Variants in TEX15 observed in about 807,000 individuals in gnomAD.
TEX15 encodes testis-expressed protein 15.
In TEX15, 171 loss-of-function variants were observed where a neutral mutation model predicts 237.3. The observed-to-expected ratio is 0.72, with a 90% CI of 0.64 to 0.82. The LOEUF (loss-of-function observed/expected upper bound fraction) is 0.82, where lower values mean the gene tolerates loss of function less well. TEX15 is among the 40% of genes least tolerant of loss of function. TEX15 has a pLI of 0.00. For missense variants in TEX15, 3,750 were observed against 3,646.5 expected (o/e 1.03, Z -0.73); for synonymous variants, 1,338 against 1,269.8 (o/e 1.05, Z -1.14).
chr8:30,899,760 T>C (rs1291065392), intron 1 of TEX15, among the ~76,000 whole-genome samples: 1 of 152,166 alleles, frequency 6.6e-6, no homozygotes, highest in Non-Finnish European at 1.5e-5. Flanking sequence ...TTGTATTTCT[T>C]TCTAGAGGCA....
chr8:30,890,830 G>C (rs938888754), intron 2 of TEX15, among the ~76,000 whole-genome samples: 2 of 152,112 alleles, frequency 1.3e-5, no homozygotes, highest in South Asian at 4.1e-4. Flanking sequence ...TGTGGTTTTA[G>C]TTTGCATTTA....
At chr8:30,909,703 G>T (rs926991567) in intron 1 of TEX15, among the ~76,000 whole-genome samples, 1 of 152,038 alleles carries the variant, frequency 6.6e-6, no homozygotes, top group African/African-American at 2.4e-5. Context: ...ACTTTATAAA[G>T]CTTGGAAGTA....
intron 3 of TEX15, among the ~76,000 whole-genome samples, chr8:30,878,739 G>A (rs746711558): frequency 2.0e-5 from 3 of 152,100 alleles, no homozygotes; most frequent in Non-Finnish European, 4.4e-5. Flanking sequence ...TGCTCAGGAT[G>A]GCCTTGAACT....
At position 30,846,780 on chromosome 8, in the gene TEX15, A is replaced by G. The variant is rs1325889191; in HGVS notation, c.3387T>C (p.Tyr1129=). ...AATAAAAATAGTTACTTTCCTTAGA[A>G]TAATGCTGATCACTATTCTCCCTTC... is the stretch of plus-strand genomic sequence containing the variant. The part of the protein sequence containing the change: ...TTGRENSDQH[Y]SKESNYFYSS... The change falls in exon 8 of 11, where the codon TAT becomes TAC. Residue 1129 remains tyrosine, a synonymous_variant. Transcript: ENST00000643185. 3 of 1,613,894 alleles carry G rather than the reference A, an allele frequency of 1.9e-6. No individual in the cohort carries two copies. Among genetic ancestry groups the G allele is most frequent in the Non-Finnish European group, 2.5e-6 (3 of 1,179,792 alleles).
chr8:30,859,180 G>A (rs147974691), intron 6 of TEX15, among the ~76,000 whole-genome samples: 3,188 of 151,664 alleles, frequency 0.021, 50 homozygotes, highest in Middle Eastern at 0.035. Flanking sequence ...TTTACATGTG[G>A]GTGCATGGAT....
intron 4 of TEX15, among the ~76,000 whole-genome samples, chr8:30,868,360 G>A (rs968402916): frequency 7.2e-5 from 11 of 151,934 alleles, no homozygotes; most frequent in Admixed American, 2.0e-4. Flanking sequence ...GCCACATCAG[G>A]TGGTACAATA....
rs1807318525 is a variant in TEX15 at position 30,837,032 on chromosome 8, G to C, written c.9252C>G (p.Ala3084=). 3 of 1,614,110 alleles carry C rather than the reference G, an allele frequency of 1.9e-6. No individual in the cohort carries two copies. The East Asian group carries it at 6.7e-5, about 36-fold the overall frequency. ...ACAGAAGATTAGAATGTGTGCCCTGGGCAGTACTTGCAACTGTGGTCAACA... is the reference window on the plus strand; with the variant it reads ...ACAGAAGATTAGAATGTGTGCCCTGCGCAGTACTTGCAACTGTGGTCAACA... The part of the protein sequence containing the change: ...SGLLTTVAST[A]QGTHSNLLYS... Residue 3084 remains alanine, a synonymous_variant, in exon 10 of 11, where the codon GCC becomes GCG. Coordinates refer to ENST00000643185, the MANE Select transcript of TEX15 (RefSeq NM_001350162.2).
intron 1 of TEX15, among the ~76,000 whole-genome samples, chr8:30,908,700 G>C: frequency 6.6e-6 from 1 of 152,180 alleles, no homozygotes; most frequent in East Asian, 1.9e-4. Context: ...AGCTACTTCA[G>C]TTCATAAAAC....
chr8:30,893,907 T>C (rs939953467), intron 2 of TEX15, among the ~76,000 whole-genome samples: 2 of 108,590 alleles, frequency 1.8e-5, no homozygotes, highest in African/African-American at 1.0e-4. Flanking sequence ...TTCCTTAGTA[T>C]AGAACTTCTT....
intron 3 of TEX15, 87 bp downstream of exon 3, chr8:30,887,080 G>A: frequency 1.7e-6 from 2 of 1,204,558 alleles, no homozygotes; most frequent in South Asian, 1.7e-5. Flanking sequence ...ATTTTATATA[G>A]AGTCAAAATA....
chr8:30,890,457 T>C (rs1300147741), intron 2 of TEX15: 1 of 152,150 alleles, frequency 6.6e-6, no homozygotes, highest in Non-Finnish European at 1.5e-5. Context: ...ATGCAAATAT[T>C]TGCCATTGTC....
Position 30,848,295 on chromosome 8 carries a change from G to A in TEX15, c.1872C>T (p.Phe624=), listed in dbSNP as rs757064171. ...YLQNTGKMKN[F]ADLEDSSKHE... is the part of the protein sequence containing the mutation. ...GTTTGGAACTGTCTTCCAGGTCAGC[G>A]AAGTTTTTCATCTTTCCAGTATTTT... The change falls in exon 8 of 11, where the codon TTC becomes TTT. Residue 624 remains phenylalanine (F), a synonymous_variant. Coordinates refer to ENST00000643185, the MANE Select transcript of TEX15 (RefSeq NM_001350162.2). 38 of 1,612,826 alleles carry A rather than the reference G, an allele frequency of 2.4e-5. No homozygotes were observed. The highest frequency in any genetic ancestry group is 5.4e-5 in the African/African-American group (4 of 74,746).
rs187562975 is a variant in TEX15, at chr8:30,847,165, T to C, written c.3002A>G (p.Asp1001Gly). The C allele has an allele frequency of 4.8e-5, 78 of 1,613,912 alleles. No individual in the cohort carries two copies. The Admixed American group carries it at 7.0e-4, about 14-fold the overall frequency. ...TMPALSLNND[D>G]HQIYQFKETC... ...TTCTTTAAACTGGTATATCTGGTGA[T>C]CGTCATTATTTAGGCTTAATGCAGG... The change falls in exon 8 of 11, where the codon GAT (aspartate) becomes GGT (glycine). Residue 1001 changes from aspartate (D) to glycine (G), a missense_variant. By Grantham distance (94) the Asp-to-Gly change is moderately conservative. Transcript: ENST00000643185.
chr8:30,889,954 C>CATATATATATATACAT (rs1808760401), intron 2 of TEX15, among the ~76,000 whole-genome samples: 4 of 110,082 alleles, frequency 3.6e-5, no homozygotes, highest in African/African-American at 1.8e-4. Context: ...TATATATATA[C>CATATATATATATACAT]ATATATATAT....
chr8:30,847,727 G>C lies in TEX15; in HGVS notation c.2440C>G (p.Pro814Ala). The C allele has an allele frequency of 6.2e-7, 1 of 1,613,582 alleles. No homozygotes were observed. The highest frequency in any genetic ancestry group is 8.5e-7 in the Non-Finnish European group (1 of 1,179,866). Residue 814 changes from proline (P) to alanine (A), a missense_variant, in exon 8 of 11, where the codon CCA (proline) becomes GCA (alanine). Physicochemically the swap from Pro to Ala is conservative, Grantham distance 27. Transcript: ENST00000643185. ...ICVHRKNENE[P>A]VSLENIQRDY... Reference sequence around the variant, plus strand: ...CTCTGAATGTTCTCTAATGACACTGGTTCATTTTCATTTTTCCTATGGACA... The same window carrying C: ...CTCTGAATGTTCTCTAATGACACTGCTTCATTTTCATTTTTCCTATGGACA...
intron 1 of TEX15, among the ~76,000 whole-genome samples, chr8:30,910,187 C>G (rs1318761504): frequency 6.6e-6 from 1 of 151,144 alleles, no homozygotes; most frequent in Non-Finnish European, 1.5e-5. Flanking sequence ...AAAAAAAAAA[C>G]TTTAAAGTGC....
rs756679598 is a variant in TEX15, at chr8:30,837,509, A to T, written c.8775T>A (p.Asn2925Lys). 6.2e-7 allele frequency: 1 copy of T among 1,613,086 alleles called. No homozygotes were observed. The highest frequency in any genetic ancestry group is 2.2e-5 in the East Asian group (1 of 44,854). The part of the protein sequence containing the change: ...VFELQDNDIV[N>K]SSIKNSSCMT... ...TGCATGAGGAATTTTTAATAGATGAATTTACTATATCATTATCTTGAAGTT... is the reference window on the plus strand; with the variant it reads ...TGCATGAGGAATTTTTAATAGATGATTTTACTATATCATTATCTTGAAGTT... Residue 2925 changes from asparagine (N) to lysine (K), a missense_variant, in exon 10 of 11, where the codon AAT becomes AAA. By Grantham distance (94) the Asn-to-Lys change is moderately conservative. Coordinates refer to ENST00000643185, the MANE Select transcript of TEX15 (RefSeq NM_001350162.2).
At chr8:30,910,758 A>G (rs904628897) in intron 1 of TEX15, among the ~76,000 whole-genome samples, 1 of 151,832 alleles carries the variant, frequency 6.6e-6, no homozygotes, top group Non-Finnish European at 1.5e-5. Context: ...CAAATAATTT[A>G]TTTAAAAAAG....
chr8:30,836,205 GTTTTTTTTTTTTT>G (rs33984716), intron 10 of TEX15, among the ~76,000 whole-genome samples: 5 of 43,264 alleles, frequency 1.2e-4, no homozygotes, highest in Non-Finnish European at 1.9e-4. Context: ...TCACTGTATC[GTTTTTTTTTTTTT>G]TTTTTTTTTT....
Sources: allele counts gnomAD v4.1 joint callset (sites outside exome capture counted in the v4.1 genomes callset), GRCh38; gene constraint gnomAD v4.1.1; transcripts MANE v1.5; gene names NCBI Gene and HGNC (gene_info 2026-07-23, HGNC 2026-07-21).